BPIFC: variants seen among roughly 807,000 people sequenced by gnomAD.
BPIFC encodes the protein BPI fold-containing family C protein.
A neutral mutation model predicts 57.6 loss-of-function variants in BPIFC; 60 were observed. The observed-to-expected ratio is 1.04, with a 90% CI of 0.85 to 1.29. The LOEUF (loss-of-function observed/expected upper bound fraction) is 1.29, where lower values mean the gene tolerates loss of function less well. Ranked by LOEUF, BPIFC falls within the 50% of genes most tolerant of loss-of-function variation. The pLI is 0.00. For synonymous variants in BPIFC, 243 were observed against 224.5 expected, an observed-to-expected ratio of 1.08 and a Z score of -0.74; for missense variants, 581 against 600.5, an observed-to-expected ratio of 0.97 and a Z score of 0.34.
chr22:32,430,393 A>C (rs1354798916), intron 13 of BPIFC, among the ~76,000 whole-genome samples: 4 of 152,016 alleles, frequency 2.6e-5, no homozygotes, highest in African/African-American at 9.7e-5. Flanking sequence ...AATTTGATAA[A>C]GAAGAACTGA....
At chr22:32,424,659 CTTCTTCTTCT>C (rs1569447996) in intron 13 of BPIFC, among the ~76,000 whole-genome samples, 1,688 of 65,290 alleles carry the variant, frequency 0.026, 286 homozygotes, top group East Asian at 0.095. Flanking sequence ...TCTTCTTCTT[CTTCTTCTTCT>C]TCTTCTTCTT....
intron 4 of BPIFC, among the ~76,000 whole-genome samples, chr22:32,448,237 T>A (rs769342106): frequency 2.0e-4 from 31 of 151,886 alleles, no homozygotes; most frequent in Non-Finnish European, 2.2e-4. Context: ...CCTGGATAAT[T>A]TTTTGTATTT....
chr22:32,426,171 G>C (rs1477280499), intron 13 of BPIFC, among the ~76,000 whole-genome samples: 2 of 152,228 alleles, frequency 1.3e-5, no homozygotes, highest in Non-Finnish European at 2.9e-5. Flanking sequence ...GAGAGGCCAT[G>C]TTGTTCTGGG....
chr22:32,446,287 T>A (rs1029974494), intron 5 of BPIFC, among the ~76,000 whole-genome samples: 1 of 152,180 alleles, frequency 6.6e-6, no homozygotes, highest in Non-Finnish European at 1.5e-5. Context: ...GCACCCTTCA[T>A]ATACAATGTT....
At chr22:32,420,483 TGTTCA>T (rs1933816019) in intron 13 of BPIFC, among the ~76,000 whole-genome samples, 1 of 152,210 alleles carries the variant, frequency 6.6e-6, no homozygotes, top group South Asian at 2.1e-4. Flanking sequence ...TTTTTTTAGC[TGTTCA>T]ATCGTTGCAG....
chr22:32,428,437 C>CA (rs1934135272), intron 13 of BPIFC, among the ~76,000 whole-genome samples: 1 of 152,086 alleles, frequency 6.6e-6, no homozygotes, highest in Non-Finnish European at 1.5e-5. Context: ...CCCGGCCTCT[C>CA]ATGGGCTTTT....
intron 13 of BPIFC, among the ~76,000 whole-genome samples, chr22:32,426,118 C>T (rs112654918): frequency 6.6e-5 from 10 of 152,164 alleles, no homozygotes; most frequent in African/African-American, 1.2e-4. Context: ...CAGCCAGCCC[C>T]GAGCAGCTCC....
intron 15 of BPIFC, 29 bp from the exon 16 acceptor site, chr22:32,416,020 T>C (rs754688262): frequency 8.9e-6 from 13 of 1,459,220 alleles, no homozygotes; most frequent in East Asian, 2.6e-5. Flanking sequence ...CGTAAAACAA[T>C]TGGGCACAAG....
chr22:32,434,486 T>G (rs1337513700), intron 10 of BPIFC, among the ~76,000 whole-genome samples: 1 of 150,372 alleles, frequency 6.7e-6, no homozygotes, highest in Non-Finnish European at 1.5e-5. Flanking sequence ...TTCATTTATA[T>G]ATATTACAAT....
At chr22:32,435,250 G>A (rs1453959415) in intron 10 of BPIFC, among the ~76,000 whole-genome samples, 1 of 152,036 alleles carries the variant, frequency 6.6e-6, no homozygotes, top group East Asian at 1.9e-4. Flanking sequence ...GAACAGTGGT[G>A]AGTGGTGAGG....
chr22:32,414,520 T>C, intron 16 of BPIFC, 95 bp from the exon 17 acceptor site: 6 of 1,448,856 alleles, frequency 4.1e-6, no homozygotes, highest in Non-Finnish European at 5.5e-6. Context: ...TTTTTTATTA[T>C]TTTAATTTTG....
chr22:32,420,075 T>C (rs1933799613), intron 13 of BPIFC, among the ~76,000 whole-genome samples: 1 of 152,062 alleles, frequency 6.6e-6, no homozygotes, highest in South Asian at 2.1e-4. Flanking sequence ...CCCAGCACTT[T>C]GGGAGGCCGA....
In BPIFC at chr22:32,424,637, T is replaced by TTC. The variant is rs1211881160; in HGVS notation, c.1218-5235_1218-5234dup. ...CCTCCTCCTCCTCCTCCTCTTCTTC[T>TTC]TCTTCTCTTCTTCTTCTTCTTCTTC... On this transcript the variant is annotated intron_variant, in intron 13 of 16. Coordinates refer to ENST00000300399, the MANE Select transcript of BPIFC (RefSeq NM_174932.3). Among the ~76,000 whole-genome samples, 326 of 55,702 alleles carry TTC rather than the reference T, an allele frequency of 5.9e-3. 12 individuals are homozygous for TTC. The highest frequency in any genetic ancestry group is 0.019 in the East Asian group (30 of 1,580). 36.5% of individuals were successfully genotyped at this position (55,702 alleles called of 152,430 possible). A position where few individuals can be genotyped will look rare whatever the true frequency, so the allele number is the denominator to read the frequency against.
At chr22:32,444,648 T>C (rs1934663885) in intron 7 of BPIFC, among the ~76,000 whole-genome samples, 1 of 152,224 alleles carries the variant, frequency 6.6e-6, no homozygotes, top group African/African-American at 2.4e-5. Flanking sequence ...CTTATAGCTT[T>C]GGAAAGGATC....
In BPIFC at chr22:32,447,271, C is replaced by A; in HGVS notation, c.315G>T (p.Ala105=). Residue 105 remains alanine (A), a synonymous_variant, in exon 5 of 17, where the codon GCG becomes GCT. Coordinates refer to ENST00000300399, the MANE Select transcript of BPIFC (RefSeq NM_174932.3). ...LAFVPGVGIK[A]LTNHGTANIS... ...TGTTGGCAGTGCCATGGTTGGTTAG[C>A]GCTTTGATTCCCACTCCAGGCACAA... is the stretch of plus-strand genomic sequence containing the variant. 1.2e-6 allele frequency: 2 copies of A among 1,614,038 alleles called. No homozygotes were observed. The highest frequency in any genetic ancestry group is 8.5e-7 in the Non-Finnish European group (1 of 1,179,972).
chr22:32,428,743 A>G (rs2145924385), intron 13 of BPIFC, among the ~76,000 whole-genome samples: 1 of 152,178 alleles, frequency 6.6e-6, no homozygotes, highest in East Asian at 1.9e-4. Context: ...ACTAAAAAAT[A>G]CAAAAATTAG....
At chr22:32,427,403 A>G (rs1375659459) in intron 13 of BPIFC, among the ~76,000 whole-genome samples, 1 of 152,156 alleles carries the variant, frequency 6.6e-6, no homozygotes, top group African/African-American at 2.4e-5. Context: ...AGATCCTGCC[A>G]GTAAACCAGA....
chr22:32,437,214 A>G (rs565922048), intron 9 of BPIFC, among the ~76,000 whole-genome samples: 6 of 152,250 alleles, frequency 3.9e-5, no homozygotes, highest in Non-Finnish European at 8.8e-5. Context: ...TCTCCTGAAG[A>G]GGGCAGACAT....
rs1220505896 is a variant in BPIFC, at chr22:32,424,705, CTCT to C, written c.1218-5304_1218-5302del. Among the ~76,000 whole-genome samples, 5 of 48,056 alleles carry C rather than the reference CTCT, an allele frequency of 1.0e-4. 2 individuals are homozygous for C. In the Admixed American group the frequency reaches 1.1e-3, roughly 10 times the overall value. The allele number at this position is 48,056 out of a possible 152,430, so 31.5% of individuals were successfully genotyped here. On this transcript the variant is annotated intron_variant, in intron 13 of 16. Transcript: ENST00000300399. The stretch of plus-strand genomic sequence containing the variant: ...CTTCTTCTTCTTCCTCTTCTTCTTC[CTCT>C]TCTTCTTCCTCTTCTTCTTCCTCTT...
Sources: allele counts gnomAD v4.1 joint callset (sites outside exome capture counted in the v4.1 genomes callset), GRCh38; gene constraint gnomAD v4.1.1; transcripts MANE v1.5; gene names NCBI Gene and HGNC (gene_info 2026-07-23, HGNC 2026-07-21).